The following SLC12A8 variants were observed in gnomAD, a reference collection of about 807,000 sequenced individuals.
The protein encoded by SLC12A8 is solute carrier family 12 member 8, also known as cation-chloride cotransporter 9.
In SLC12A8, 69 loss-of-function variants were observed where a neutral mutation model predicts 75.6. That is an observed-to-expected ratio of 0.91 (90% CI 0.75 to 1.11). The LOEUF is 1.11. Among genes scored for constraint, SLC12A8 ranks in the 50% most tolerant of loss-of-function variants. The probability of loss-of-function intolerance (pLI) is 0.00; values close to 1 mark genes in which losing one functional copy is unlikely to be tolerated. For synonymous variants in SLC12A8, 365 were observed against 372.8 expected (o/e 0.98, Z 0.24); for missense variants, 877 against 896.7 (o/e 0.98, Z 0.28).
At chr3:125,108,460 T>C (rs1341153575) in intron 9 of SLC12A8, among the ~76,000 whole-genome samples, 27 of 152,000 alleles carry the variant, frequency 1.8e-4, no homozygotes, top group Admixed American at 1.8e-3. Context: ...CCTCCGCCTC[T>C]TGGGCTTAAG....
At position 125,107,904 on chromosome 3, in the gene SLC12A8, G is replaced by C. The variant is rs1182208726; in HGVS notation, c.1282C>G (p.His428Asp). 4.3e-6 allele frequency: 7 copies of C among 1,614,182 alleles called. No individual in the cohort carries two copies. The highest frequency in any genetic ancestry group is 5.9e-6 in the Non-Finnish European group (7 of 1,180,032). Residue 428 changes from histidine (H) to aspartate (D), a missense_variant, in exon 10 of 14, where the codon CAC (histidine) becomes GAC (aspartate). Transcript: ENST00000469902. ...PVLREGAEGL[H>D]CSEHLLLEKA... is the part of the protein sequence containing the mutation. ...TCTAAGAGCAGGTGCTCAGAGCAGT[G>C]GAGGCCTTCTGCGCCCTCCCTGAGC...
At chr3:125,091,648 C>T (rs1165585771) in intron 11 of SLC12A8, 92 bp from the exon 12 acceptor site, 10 of 812,092 alleles carry the variant, frequency 1.2e-5, no homozygotes, top group Non-Finnish European at 8.6e-6. Context: ...ACAACATTCC[C>T]TCTCATCAAC....
intron 12 of SLC12A8, among the ~76,000 whole-genome samples, chr3:125,090,583 G>GT (rs1938560055): frequency 6.6e-6 from 1 of 152,156 alleles, no homozygotes; most frequent in Admixed American, 6.5e-5. Flanking sequence ...TTTGGTTTGT[G>GT]TATTTCAAAG....
intron 9 of SLC12A8, among the ~76,000 whole-genome samples, chr3:125,109,787 A>C (rs563677056): frequency 1.3e-5 from 2 of 152,334 alleles, no homozygotes; most frequent in East Asian, 3.9e-4. Context: ...ACTCAAGGGC[A>C]GAGTTAGAGC....
At chr3:125,110,108 C>A (rs1180556376) in intron 9 of SLC12A8, 81 bp downstream of exon 9, 1 of 1,442,256 alleles carries the variant, frequency 6.9e-7, no homozygotes, top group Non-Finnish European at 9.5e-7. Context: ...ATCAGAAAAG[C>A]TTAACCAATT....
At chr3:125,207,121 C>T (rs995211971) in intron 2 of SLC12A8, among the ~76,000 whole-genome samples, 1 of 152,286 alleles carries the variant, frequency 6.6e-6, no homozygotes, top group South Asian at 2.1e-4. Context: ...CAGGTCTCAG[C>T]GACCTGGAAA....
intron 2 of SLC12A8, among the ~76,000 whole-genome samples, chr3:125,198,018 A>T (rs891481164): frequency 3.3e-5 from 5 of 152,190 alleles, no homozygotes; most frequent in African/African-American, 1.2e-4. Context: ...TAAATAGCCA[A>T]AGTTAACATC....
At chr3:125,095,577 C>A (rs1560049399) in intron 10 of SLC12A8, among the ~76,000 whole-genome samples, 1 of 152,222 alleles carries the variant, frequency 6.6e-6, no homozygotes, top group Non-Finnish European at 1.5e-5. Flanking sequence ...AAGTTCTCAG[C>A]AACAGAATGT....
intron 8 of SLC12A8, among the ~76,000 whole-genome samples, chr3:125,113,221 G>A (rs571999240): frequency 2.6e-4 from 40 of 152,186 alleles, no homozygotes; most frequent in African/African-American, 8.9e-4. Flanking sequence ...CACACCCTGG[G>A]ATTCCTCCAG....
chr3:125,130,585 C>T (rs770827762), intron 6 of SLC12A8, among the ~76,000 whole-genome samples: 31 of 123,004 alleles, frequency 2.5e-4, no homozygotes, highest in Non-Finnish European at 3.7e-4. Context: ...GAGCGAGACC[C>T]TGTCTTAAAA....
chr3:125,139,743 G>A (rs1431321200), intron 5 of SLC12A8, among the ~76,000 whole-genome samples: 1 of 152,200 alleles, frequency 6.6e-6, no homozygotes, highest in East Asian at 1.9e-4. Context: ...CACACCCAGG[G>A]TAGGGCTGAG....
intron 5 of SLC12A8, among the ~76,000 whole-genome samples, chr3:125,165,110 C>T (rs1579517164): frequency 6.6e-6 from 1 of 152,184 alleles, no homozygotes; most frequent in African/African-American, 2.4e-5. Context: ...GGGAAAGCAA[C>T]CCAGCCCACC....
intron 5 of SLC12A8, among the ~76,000 whole-genome samples, chr3:125,173,452 CAAAAA>C (rs61001520): frequency 7.5e-5 from 6 of 79,624 alleles, no homozygotes; most frequent in Admixed American, 1.7e-4. Context: ...ATTCATGAGC[CAAAAA>C]AAAAAAAAAA....
intron 4 of SLC12A8, among the ~76,000 whole-genome samples, chr3:125,186,431 A>T (rs181548720): frequency 6.6e-6 from 1 of 152,278 alleles, no homozygotes; most frequent in East Asian, 1.9e-4. Flanking sequence ...AAATAAAAGA[A>T]ACAAAACCGA....
At chr3:125,208,791 C>CACAGAGAGAG (rs1368605617) in intron 2 of SLC12A8, among the ~76,000 whole-genome samples, 9 of 84,182 alleles carry the variant, frequency 1.1e-4, no homozygotes, top group Non-Finnish European at 1.9e-4. Context: ...CACACACACA[C>CACAGAGAGAG]AGAGAGAGAG....
chr3:125,177,933 G>T lies in SLC12A8; in HGVS notation c.432C>A (p.Ser144=). 2 of 1,614,006 alleles carry T rather than the reference G, an allele frequency of 1.2e-6. No individual in the cohort carries two copies. The highest frequency in any genetic ancestry group is 1.7e-6 in the Non-Finnish European group (2 of 1,179,966). ...TCCCGAGGCCCAGCAAATCCGAGAT[G>T]GATTCAGCAAAGCCGGTGATATACA... ...GAMYITGFAE[S]ISDLLGLGNI... The change falls in exon 5 of 14, where the codon TCC becomes TCA. Residue 144 remains serine (S), a synonymous_variant. Coordinates refer to ENST00000469902, the MANE Select transcript of SLC12A8 (RefSeq NM_024628.6).
At chr3:125,165,608 G>A (rs1934268473) in intron 5 of SLC12A8, among the ~76,000 whole-genome samples, 3 of 152,218 alleles carry the variant, frequency 2.0e-5, no homozygotes. Context: ...CCAGGCAGAT[G>A]TTCCCCATGG....
intron 6 of SLC12A8, among the ~76,000 whole-genome samples, chr3:125,126,661 G>T (rs989622496): frequency 1.3e-5 from 2 of 152,130 alleles, no homozygotes; most frequent in Non-Finnish European, 2.9e-5. Flanking sequence ...GGCTTTTCAG[G>T]TTCCTGTTAG....
At chr3:125,167,728 T>C (rs1934320103) in intron 5 of SLC12A8, among the ~76,000 whole-genome samples, 1 of 152,256 alleles carries the variant, frequency 6.6e-6, no homozygotes, top group South Asian at 2.1e-4. Flanking sequence ...TTTCCTGAAC[T>C]ACTTCATCCA....
Sources: gnomAD v4.1 joint callset for allele counts (sites outside exome capture counted in the v4.1 genomes callset) on GRCh38, gnomAD v4.1.1 for gene constraint, MANE v1.5 for transcripts, NCBI Gene and HGNC (gene_info 2026-07-23, HGNC 2026-07-21) for gene names.